ZCCHC7: variants seen among roughly 807,000 people sequenced by gnomAD.
ZCCHC7 encodes zinc finger CCHC domain-containing protein 7.
ZCCHC7 carries 35 observed loss-of-function variants against 52.0 expected under a neutral mutation model. The ratio of observed to expected loss-of-function variants is 0.67; its 90% CI spans 0.51 to 0.89. The LOEUF is 0.89. ZCCHC7 is among the 40% of genes least tolerant of loss of function. The probability of loss-of-function intolerance (pLI) is 0.00; values close to 1 mark genes in which losing one functional copy is unlikely to be tolerated. For synonymous variants in ZCCHC7, 217 were observed against 221.5 expected, an observed-to-expected ratio of 0.98 and a Z score of 0.18; for missense variants, 574 against 649.1, an observed-to-expected ratio of 0.88 and a Z score of 1.26.
chr9:37,269,228 G>T (rs757917633), intron 2 of ZCCHC7, among the ~76,000 whole-genome samples: 1 of 152,150 alleles, frequency 6.6e-6, no homozygotes, highest in South Asian at 2.1e-4. Context: ...CCATGTTAAG[G>T]TTTTGAACGT....
At position 37,287,936 on chromosome 9, in the gene ZCCHC7, TA is replaced by T. The variant is rs373555727; in HGVS notation, c.611-14240del. Among the ~76,000 whole-genome samples the T allele has an allele frequency of 3.7e-3, 528 of 143,214 alleles. 2 individuals are homozygous for T. Among genetic ancestry groups the T allele is most frequent in the Middle Eastern group, 0.022 (6 of 278 alleles). 94.0% of individuals were successfully genotyped at this position (143,214 alleles called of 152,430 possible). ...TCAACACAGTGTGAGTTTAAATGGT[TA>T]AAAAAAAAAAACATTTAACCATTTG... is the stretch of plus-strand genomic sequence containing the variant. On this transcript the variant is annotated intron_variant, in intron 2 of 8. Transcript: ENST00000336755.
intron 6 of ZCCHC7, among the ~76,000 whole-genome samples, chr9:37,348,361 TC>T (rs1821146656): frequency 6.7e-6 from 1 of 148,774 alleles, no homozygotes; most frequent in Non-Finnish European, 1.5e-5. Flanking sequence ...TTTCTTTCTT[TC>T]TTTCTTTCTT....
intron 2 of ZCCHC7, among the ~76,000 whole-genome samples, chr9:37,193,477 C>T (rs1823122987): frequency 6.6e-6 from 1 of 152,078 alleles, no homozygotes; most frequent in Non-Finnish European, 1.5e-5. Context: ...CAATAATTAT[C>T]CCATATTTTG....
intron 2 of ZCCHC7, among the ~76,000 whole-genome samples, chr9:37,190,197 A>C (rs931334435): frequency 5.3e-5 from 8 of 152,188 alleles, no homozygotes; most frequent in African/African-American, 1.9e-4. Flanking sequence ...TCAGAGTTTT[A>C]GACTTCTGCA....
At chr9:37,157,446 T>G (rs1050695936) in intron 2 of ZCCHC7, among the ~76,000 whole-genome samples, 30 of 152,092 alleles carry the variant, frequency 2.0e-4, no homozygotes, top group African/African-American at 7.2e-4. Context: ...GAGCCATGAT[T>G]GTGCCACTGC....
At chr9:37,137,972 C>T (rs1843068813) in intron 2 of ZCCHC7, among the ~76,000 whole-genome samples, 1 of 152,028 alleles carries the variant, frequency 6.6e-6, no homozygotes, top group African/African-American at 2.4e-5. Flanking sequence ...TTAATTTCTG[C>T]CTTATAACTG....
At chr9:37,308,017 A>G (rs1255094757) in intron 5 of ZCCHC7, among the ~76,000 whole-genome samples, 1 of 152,172 alleles carries the variant, frequency 6.6e-6, no homozygotes, top group Non-Finnish European at 1.5e-5. Context: ...TGAGCACTGC[A>G]CTCATCAACA....
At chr9:37,350,527 G>GA (rs1403716031) in intron 7 of ZCCHC7, among the ~76,000 whole-genome samples, 1 of 152,200 alleles carries the variant, frequency 6.6e-6, no homozygotes, top group East Asian at 1.9e-4. Flanking sequence ...ATTCAGTGGT[G>GA]AAAAAACAGA....
intron 2 of ZCCHC7, among the ~76,000 whole-genome samples, chr9:37,232,560 G>A (rs1454273917): frequency 6.6e-6 from 1 of 152,242 alleles, no homozygotes. Context: ...CCAATCTCCT[G>A]TTTTTGTACT....
chr9:37,141,155 C>T (rs1843207111), intron 2 of ZCCHC7, among the ~76,000 whole-genome samples: 1 of 151,884 alleles, frequency 6.6e-6, no homozygotes, highest in Non-Finnish European at 1.5e-5. Flanking sequence ...TGGCCGTTTG[C>T]TCTAATTTAA....
At chr9:37,314,402 A>G (rs977588476) in intron 5 of ZCCHC7, among the ~76,000 whole-genome samples, 1 of 152,196 alleles carries the variant, frequency 6.6e-6, no homozygotes, top group African/African-American at 2.4e-5. Context: ...AATTTTATTA[A>G]ATTTCAAACT....
At chr9:37,280,176 G>T (rs10973287) in intron 2 of ZCCHC7, among the ~76,000 whole-genome samples, 1 of 151,954 alleles carries the variant, frequency 6.6e-6, no homozygotes, top group African/African-American at 2.4e-5. Flanking sequence ...AGATAAAAGG[G>T]TCAAGTAAAC....
chr9:37,155,355 CA>C (rs1278304468), intron 2 of ZCCHC7, among the ~76,000 whole-genome samples: 61 of 108,964 alleles, frequency 5.6e-4, no homozygotes, highest in Admixed American at 9.4e-4. Flanking sequence ...GACTCCGTCT[CA>C]AAAAAAAAAA....
At chr9:37,225,567 A>G (rs1338893467) in intron 2 of ZCCHC7, among the ~76,000 whole-genome samples, 2 of 152,210 alleles carry the variant, frequency 1.3e-5, no homozygotes, top group African/African-American at 4.8e-5. Flanking sequence ...TGAATTATGT[A>G]ATATATTAAA....
intron 2 of ZCCHC7, among the ~76,000 whole-genome samples, chr9:37,134,225 G>A (rs947367481): frequency 1.3e-5 from 2 of 151,094 alleles, no homozygotes; most frequent in African/African-American, 4.9e-5. Context: ...ATCCTTTAAT[G>A]TATAGGTTCC....
At chr9:37,150,392 A>AT (rs575909153) in intron 2 of ZCCHC7, among the ~76,000 whole-genome samples, 169 of 152,342 alleles carry the variant, frequency 1.1e-3, no homozygotes, top group African/African-American at 3.9e-3. Context: ...AAGTGTTTGG[A>AT]TATATTAAAT....
chr9:37,190,264 G>A (rs1314612488), intron 2 of ZCCHC7, among the ~76,000 whole-genome samples: 2 of 151,510 alleles, frequency 1.3e-5, no homozygotes, highest in South Asian at 2.1e-4. Flanking sequence ...CTCAGGGGCT[G>A]GGTATGGAGG....
rs114367156 is a variant in ZCCHC7, at chr9:37,202,397, A to T, written c.610+75455A>T. The stretch of plus-strand genomic sequence containing the variant: ...CTTTGGCAGTTAAAACCAAAGGGAA[A>T]CATAATGAATTGTTTGTTTTAATTG... On this transcript the variant is annotated intron_variant, in intron 2 of 8. Coordinates refer to ENST00000336755, the MANE Select transcript of ZCCHC7 (RefSeq NM_032226.3). Among the ~76,000 whole-genome samples the T allele has an allele frequency of 2.7e-3, 412 of 152,376 alleles. 1 individual carries two copies. Among genetic ancestry groups the T allele is most frequent in the African/African-American group, 9.5e-3 (396 of 41,586 alleles).
intron 2 of ZCCHC7, among the ~76,000 whole-genome samples, chr9:37,181,589 A>T (rs1228832717): frequency 6.6e-6 from 1 of 152,222 alleles, no homozygotes; most frequent in Non-Finnish European, 1.5e-5. Context: ...AGCTTTGAAA[A>T]CACGTTAGTG....
Sources: gnomAD v4.1 joint callset for allele counts (sites outside exome capture counted in the v4.1 genomes callset) on GRCh38, gnomAD v4.1.1 for gene constraint, MANE v1.5 for transcripts, NCBI Gene and HGNC (gene_info 2026-07-23, HGNC 2026-07-21) for gene names.